Variants in GTF2A1 observed in about 807,000 individuals in gnomAD.
GTF2A1 encodes general transcription factor IIA subunit 1.
A neutral mutation model predicts 54.1 loss-of-function variants in GTF2A1; 12 were observed. That is an observed-to-expected ratio of 0.22 (90% CI 0.14 to 0.36). GTF2A1 has a LOEUF of 0.36. Among genes scored for constraint, GTF2A1 ranks in the 10% least tolerant of loss-of-function variants. GTF2A1 has a pLI of 1.00. For synonymous variants in GTF2A1, 145 were observed against 152.0 expected, an observed-to-expected ratio of 0.95 and a Z score of 0.34; for missense variants, 335 against 442.2, an observed-to-expected ratio of 0.76 and a Z score of 2.17.
chr14:81,205,832 T>A (rs1010132794), intron 2 of GTF2A1, among the ~76,000 whole-genome samples: 2 of 152,228 alleles, frequency 1.3e-5, no homozygotes, highest in South Asian at 4.1e-4. Context: ...TTGTGTCTGA[T>A]TCATCTCTGT....
chr14:81,180,411 A>C, intron 8 of GTF2A1, 81 bp from the exon 9 acceptor site: 1 of 684,350 alleles, frequency 1.5e-6, no homozygotes, highest in Non-Finnish European at 2.7e-6. Context: ...CCATACACAC[A>C]CACACGTACA....
Position 81,192,591 on chromosome 14 carries a change from T to C in GTF2A1, c.861A>G (p.Glu287=). ...GDTSSEEDED[E]EEDYDDDEEE... ...CCTCATCATCATCATAGTCTTCTTC[T>C]TCATCTTCATCTTCTTCAGATGATG... The change falls in exon 7 of 9, where the codon GAA becomes GAG. Residue 287 remains glutamate, a synonymous_variant. Coordinates refer to ENST00000553612, the MANE Select transcript of GTF2A1 (RefSeq NM_015859.4). 6.2e-7 allele frequency: 1 copy of C among 1,611,626 alleles called. No individual in the cohort carries two copies.
At chr14:81,194,031 A>G (rs973429640) in intron 6 of GTF2A1, among the ~76,000 whole-genome samples, 32 of 152,226 alleles carry the variant, frequency 2.1e-4, no homozygotes, top group African/African-American at 7.5e-4. Flanking sequence ...GCATGATCAA[A>G]TATTACTTAT....
At chr14:81,208,540 T>C (rs781187732) in intron 2 of GTF2A1, among the ~76,000 whole-genome samples, 3 of 152,172 alleles carry the variant, frequency 2.0e-5, no homozygotes, top group Non-Finnish European at 2.9e-5. Flanking sequence ...CAGTGCCCAG[T>C]GGAGCTGTGA....
chr14:81,180,416 C>G, intron 8 of GTF2A1, 86 bp from the exon 9 acceptor site: 1 of 680,858 alleles, frequency 1.5e-6, no homozygotes, highest in Non-Finnish European at 2.7e-6. Context: ...CACACACACA[C>G]GTACACACAC....
intron 1 of GTF2A1, among the ~76,000 whole-genome samples, chr14:81,217,285 T>C (rs542140658): frequency 2.0e-5 from 3 of 152,322 alleles, no homozygotes; most frequent in African/African-American, 7.2e-5. Context: ...GTGAAAGAAC[T>C]TTCAAAAAGT....
intron 6 of GTF2A1, among the ~76,000 whole-genome samples, chr14:81,193,365 CCAT>C (rs1042206482): frequency 1.3e-5 from 2 of 152,036 alleles, no homozygotes; most frequent in African/African-American, 4.8e-5. Flanking sequence ...CGGGGTTTTG[CCAT>C]GTTGGTCAGG....
intron 1 of GTF2A1, among the ~76,000 whole-genome samples, chr14:81,219,511 A>C (rs1236923118): frequency 6.6e-6 from 1 of 152,258 alleles, no homozygotes; most frequent in East Asian, 1.9e-4. Context: ...CACAAGGCTC[A>C]GGGACTGAAA....
rs199715883 is a variant in GTF2A1, at chr14:81,204,251, A to C, written c.133-147T>G. 431 of 779,414 alleles carry C rather than the reference A, an allele frequency of 5.5e-4. 1 individual carries two copies. The highest frequency in any genetic ancestry group is 8.6e-4 in the Admixed American group (49 of 56,992). The allele number at this position is 779,414 out of a possible 1,614,324, so 48.3% of individuals were successfully genotyped here. ...ACAACAAATCTGTAATTCTAACCCA[A>C]GTGAAACAATAACAAAAACAAAATT... On this transcript the variant is annotated intron_variant, in intron 2 of 8. Coordinates refer to ENST00000553612, the MANE Select transcript of GTF2A1 (RefSeq NM_015859.4).
intron 8 of GTF2A1, among the ~76,000 whole-genome samples, chr14:81,182,672 A>G (rs959190701): frequency 6.6e-6 from 1 of 152,220 alleles, no homozygotes; most frequent in African/African-American, 2.4e-5. Context: ...TCTACAAAGA[A>G]AGCAAAGTAA....
intron 3 of GTF2A1, among the ~76,000 whole-genome samples, chr14:81,201,977 T>C (rs755245525): frequency 6.6e-6 from 1 of 152,104 alleles, no homozygotes; most frequent in Non-Finnish European, 1.5e-5. Context: ...CTGGCCAATA[T>C]GGTGAAACCC....
At chr14:81,191,686 C>CAAAGGTA (rs1337799574) in intron 7 of GTF2A1, among the ~76,000 whole-genome samples, 1 of 151,854 alleles carries the variant, frequency 6.6e-6, no homozygotes, top group African/African-American at 2.4e-5. Flanking sequence ...ACTTTGATGG[C>CAAAGGTA]CTAGGAATGA....
chr14:81,192,984 TTAAC>T lies in GTF2A1; in HGVS notation c.613-149_613-146del, dbSNP rs1350113114. On this transcript the variant is annotated intron_variant, in intron 6 of 8. Coordinates refer to ENST00000553612, the MANE Select transcript of GTF2A1 (RefSeq NM_015859.4). ...CTACCAAAGTACAAAAGCAATTAGT[TTAAC>T]TAGTGTAGTGACCCATTAAATTTCT... 42 of 607,652 alleles carry T rather than the reference TTAAC, an allele frequency of 6.9e-5. 1 individual carries two copies. The East Asian group carries it at 1.1e-3, about 16-fold the overall frequency. The allele number at this position is 607,652 out of a possible 1,614,324, so 37.6% of individuals were successfully genotyped here. A position where few individuals can be genotyped will look rare whatever the true frequency, so the allele number is the denominator to read the frequency against.
rs1457808503 is a variant in GTF2A1, at chr14:81,179,438, T to C, written c.*785A>G. The C allele has an allele frequency of 6.6e-6, 1 of 152,236 alleles. No homozygotes were observed. The highest frequency in any genetic ancestry group is 1.9e-4 in the East Asian group (1 of 5,204). The allele number at this position is 152,236 out of a possible 1,614,324, so 9.4% of individuals were successfully genotyped here. ...CTGAGGAGCTAGTTTGGGGTTTCTT[T>C]TTAAGGTGTGGCACTAAAAGAAACA... On this transcript the variant is annotated 3_prime_UTR_variant, in exon 9 of 9. Coordinates refer to ENST00000553612, the MANE Select transcript of GTF2A1 (RefSeq NM_015859.4).
intron 2 of GTF2A1, among the ~76,000 whole-genome samples, chr14:81,212,314 TAC>T (rs1455724762): frequency 2.0e-5 from 3 of 152,194 alleles, no homozygotes; most frequent in Non-Finnish European, 4.4e-5. Context: ...AGAGAATTTC[TAC>T]AGTGTCATTC....
chr14:81,204,223 A>C (rs1893180131), intron 2 of GTF2A1, 119 bp from the exon 3 acceptor site: 1 of 805,344 alleles, frequency 1.2e-6, no homozygotes, highest in Admixed American at 1.8e-5. Context: ...CAGACACAGA[A>C]ATACAACAAA....
At chr14:81,184,088 CAGTAA>C (rs1252641106) in intron 8 of GTF2A1, among the ~76,000 whole-genome samples, 3 of 152,168 alleles carry the variant, frequency 2.0e-5, no homozygotes, top group Non-Finnish European at 4.4e-5. Context: ...TAATTTAAAA[CAGTAA>C]AGTAATGTCT....
At chr14:81,188,874 TA>T (rs1411771785) in intron 7 of GTF2A1, among the ~76,000 whole-genome samples, 2 of 152,176 alleles carry the variant, frequency 1.3e-5, no homozygotes, top group Non-Finnish European at 2.9e-5. Context: ...TGTAGGTCCC[TA>T]ATCCACTTTA....
intron 2 of GTF2A1, among the ~76,000 whole-genome samples, chr14:81,207,235 T>C (rs147951833): frequency 2.6e-5 from 4 of 152,104 alleles, no homozygotes; most frequent in Non-Finnish European, 4.4e-5. Flanking sequence ...CAACTTGAGT[T>C]GTATCTCCCA....
Sources: allele counts gnomAD v4.1 joint callset (sites outside exome capture counted in the v4.1 genomes callset), GRCh38; gene constraint gnomAD v4.1.1; transcripts MANE v1.5; gene names NCBI Gene and HGNC (gene_info 2026-07-23, HGNC 2026-07-21).